The following SARDH variants were observed in gnomAD, a reference collection of about 807,000 sequenced individuals.
SARDH encodes the protein sarcosine dehydrogenase, also known as sarcosine dehydrogenase, mitochondrial.
Under a neutral mutation model 109.1 loss-of-function variants are expected in SARDH, and 95 were observed. That is an observed-to-expected ratio of 0.87 (90% CI 0.74 to 1.03). The LOEUF is 1.03. SARDH is among the 50% of genes least tolerant of loss of function. SARDH has a pLI of 0.00. For synonymous variants in SARDH, 572 were observed against 534.8 expected (o/e 1.07, Z -0.96); for missense variants, 1,267 against 1,287.8 (o/e 0.98, Z 0.25).
At chr9:133,697,577 A>T (rs1831329495) in intron 13 of SARDH, among the ~76,000 whole-genome samples, 1 of 152,262 alleles carries the variant, frequency 6.6e-6, no homozygotes, top group Non-Finnish European at 1.5e-5. Flanking sequence ...ACACACCATG[A>T]TCAATGGGAT....
At chr9:133,734,552 T>C (rs1432425417) in intron 1 of SARDH, among the ~76,000 whole-genome samples, 3 of 152,136 alleles carry the variant, frequency 2.0e-5, no homozygotes, top group Non-Finnish European at 4.4e-5. Context: ...TTGGTGAGGA[T>C]AGGTCTCTGC....
In SARDH at chr9:133,730,065, T is replaced by C; in HGVS notation, c.813A>G (p.Ala271=). The change falls in exon 5 of 21, where the codon GCA becomes GCG. Residue 271 remains alanine, a splice_region_variant and synonymous_variant. Transcript: ENST00000439388. The part of the protein sequence containing the change: ...SIQTPCVVNC[A]GVWASAVGRM... Reference sequence around the variant, plus strand: ...AGTCAGGAGAAATGCCACTCGCACCTGCACAGTTGACCACGCAGGGTGTCT... The same window carrying C: ...AGTCAGGAGAAATGCCACTCGCACCCGCACAGTTGACCACGCAGGGTGTCT... 1.9e-6 allele frequency: 3 copies of C among 1,614,122 alleles called. No individual in the cohort carries two copies. Among genetic ancestry groups the C allele is most frequent in the Non-Finnish European group, 2.5e-6 (3 of 1,180,002 alleles).
In SARDH at chr9:133,701,549, C is replaced by T. The variant is rs541402883; in HGVS notation, c.1668+1367G>A. On this transcript the variant is annotated intron_variant, in intron 13 of 20. Coordinates refer to ENST00000439388, the MANE Select transcript of SARDH (RefSeq NM_001134707.2). ...CGGCTTCAGGCGCGTTTGCGGAGGC[C>T]GGATGAAGCCACAAAGCCAAGTTGG... Among the ~76,000 whole-genome samples, 10 of 152,352 alleles carry T rather than the reference C, an allele frequency of 6.6e-5. No individual in the cohort carries two copies. The South Asian group carries it at 1.4e-3, about 22-fold the overall frequency.
chr9:133,662,558 C>A (rs1489711498), downstream of SARDH, among the ~76,000 whole-genome samples: 1 of 152,232 alleles, frequency 6.6e-6, no homozygotes, highest in Non-Finnish European at 1.5e-5. This position sits in a 1 kb window ranked among gnomAD's most constrained non-coding sequence, Gnocchi z 5.1. Flanking sequence ...CCGCAGCCCC[C>A]TCCCCAGACT....
intron 17 of SARDH, among the ~76,000 whole-genome samples, chr9:133,678,144 C>T (rs766179453): frequency 3.9e-5 from 6 of 152,212 alleles, no homozygotes; most frequent in Non-Finnish European, 5.9e-5. Flanking sequence ...TGGCAAGTGT[C>T]GGTCAGTGGG....
At position 133,712,988 on chromosome 9, in the gene SARDH, A is replaced by G. The variant is rs1448488524; in HGVS notation, c.1237+50T>C. On this transcript the variant is annotated intron_variant, in intron 9 of 20. Coordinates refer to ENST00000439388, the MANE Select transcript of SARDH (RefSeq NM_001134707.2). The surrounding 1 kb of genome is among the most constrained non-coding windows in gnomAD (Gnocchi z 4.1). ...GCCCGCCTCCCCCAGAGCTCTGGGAATGACAGGACCTCCCTCTTGGGGGCC... is the reference window on the plus strand; with the variant it reads ...GCCCGCCTCCCCCAGAGCTCTGGGAGTGACAGGACCTCCCTCTTGGGGGCC... The G allele has an allele frequency of 5.2e-6, 8 of 1,540,256 alleles. No individual in the cohort carries two copies. In the South Asian group the frequency reaches 9.3e-5, roughly 18 times the overall value.
rs1197313492 is a variant in SARDH at position 133,666,411 on chromosome 9, CAG to C, written c.2631+322_2631+323del. Among the ~76,000 whole-genome samples the C allele has an allele frequency of 6.6e-6, 1 of 152,194 alleles. No homozygotes were observed. Among genetic ancestry groups the C allele is most frequent in the Non-Finnish European group, 1.5e-5 (1 of 68,026 alleles). ...AAGTCGGATTCTTCCAGAAAGAAAACAGAGAGCAGCTTTGGCTCTGCCCAGGC... is the reference window on the plus strand; with the variant it reads ...AAGTCGGATTCTTCCAGAAAGAAAACAGAGCAGCTTTGGCTCTGCCCAGGC... On this transcript the variant is annotated intron_variant, in intron 20 of 20. Coordinates refer to ENST00000439388, the MANE Select transcript of SARDH (RefSeq NM_001134707.2). The surrounding 1 kb of genome is among the most constrained non-coding windows in gnomAD (Gnocchi z 5.2).
In SARDH at chr9:133,676,722, GTACT is replaced by G. The variant is rs368401607; in HGVS notation, c.2164-5029_2164-5026del. Among the ~76,000 whole-genome samples the G allele has an allele frequency of 1.6e-3, 250 of 152,328 alleles. 6 individuals carry two copies. Among genetic ancestry groups the G allele is most frequent in the African/African-American group, 5.8e-3 (240 of 41,566 alleles). On this transcript the variant is annotated intron_variant, in intron 17 of 20. Coordinates refer to ENST00000439388, the MANE Select transcript of SARDH (RefSeq NM_001134707.2). ...ACCAGAGAGACCGGGGGGAAAGGCG[GTACT>G]TAAACAGATAACAGCAGAGAATGTT... is the stretch of plus-strand genomic sequence containing the variant.
At chr9:133,690,344 G>C (rs1831045560) in intron 16 of SARDH, 36 bp downstream of exon 16, 6 of 1,591,668 alleles carry the variant, frequency 3.8e-6, no homozygotes, top group Non-Finnish European at 5.1e-6. Flanking sequence ...CCAGGCAGCA[G>C]GTGCACCCAG....
downstream of SARDH, among the ~76,000 whole-genome samples, chr9:133,662,009 T>G (rs1425108168): frequency 6.6e-6 from 1 of 152,156 alleles, no homozygotes; most frequent in African/African-American, 2.4e-5. The surrounding 1 kb of genome is among the most constrained non-coding windows in gnomAD (Gnocchi z 5.1). Context: ...CCAGGACCTC[T>G]GGCAGCGCAG....
At chr9:133,665,992 A>G (rs1382290016) in intron 20 of SARDH, among the ~76,000 whole-genome samples, 3 of 152,172 alleles carry the variant, frequency 2.0e-5, no homozygotes, top group African/African-American at 7.2e-5. Flanking sequence ...AAAGATGGGA[A>G]AAGGAGGTGG....
At chr9:133,659,693 C>G (rs184189880), downstream of SARDH, among the ~76,000 whole-genome samples, 7 of 152,210 alleles carry the variant, frequency 4.6e-5, no homozygotes, top group Non-Finnish European at 8.8e-5. Context: ...AGGGAAGTCA[C>G]GAGCCCAGGA....
At chr9:133,720,110 A>AAAATAAAT (rs1035920614) in intron 6 of SARDH, among the ~76,000 whole-genome samples, 2 of 149,778 alleles carry the variant, frequency 1.3e-5, no homozygotes, top group African/African-American at 5.0e-5. Context: ...ACTCCGTCTC[A>AAAATAAAT]AAATAAATAA....
At chr9:133,726,394 A>ATAATAGTAG (rs59172198) in intron 6 of SARDH, among the ~76,000 whole-genome samples, 79 of 132,348 alleles carry the variant, frequency 6.0e-4, no homozygotes, top group African/African-American at 2.2e-3. Context: ...AATAATAATA[A>ATAATAGTAG]TAGTAGTAGT....
intron 17 of SARDH, among the ~76,000 whole-genome samples, chr9:133,676,326 C>G (rs1830510146): frequency 6.6e-6 from 1 of 152,098 alleles, no homozygotes; most frequent in Admixed American, 6.6e-5. Context: ...TCATAGACAT[C>G]AAGAGCAGAA....
chr9:133,694,428 G>T, intron 14 of SARDH, 57 bp from the exon 15 acceptor site: 1 of 1,413,960 alleles, frequency 7.1e-7, no homozygotes, highest in Non-Finnish European at 9.8e-7. Flanking sequence ...GGTCTGTGCT[G>T]CCTCAGTTTC....
chr9:133,694,477 G>C, intron 14 of SARDH, 106 bp from the exon 15 acceptor site: 1 of 929,900 alleles, frequency 1.1e-6, no homozygotes, highest in Non-Finnish European at 1.7e-6. Context: ...TGTCACGGAG[G>C]CTGGATAACC....
intron 8 of SARDH, among the ~76,000 whole-genome samples, chr9:133,714,130 A>G (rs376266883): frequency 7.2e-4 from 109 of 152,336 alleles, no homozygotes; most frequent in African/African-American, 2.3e-3. Context: ...ACCCCAGGGC[A>G]CTTCGTTCGT....
chr9:133,696,369 G>C lies in SARDH; in HGVS notation c.1669-8C>G. The C allele has an allele frequency of 6.2e-7, 1 of 1,613,996 alleles. No homozygotes were observed. The highest frequency in any genetic ancestry group is 2.2e-5 in the East Asian group (1 of 44,886). On this transcript the variant is annotated splice_polypyrimidine_tract_variant and splice_region_variant and intron_variant, in intron 13 of 20. Coordinates refer to ENST00000439388, the MANE Select transcript of SARDH (RefSeq NM_001134707.2). The stretch of plus-strand genomic sequence containing the variant: ...CAGGCACTCCTTCTTGATCTGAAAA[G>C]TTCCAGACAGGTGGGAATGCCACGG...
Sources: allele counts gnomAD v4.1 joint callset (sites outside exome capture counted in the v4.1 genomes callset), GRCh38; gene constraint gnomAD v4.1.1; non-coding constraint Gnocchi (gnomAD v3.1); transcripts MANE v1.5; gene names NCBI Gene and HGNC (gene_info 2026-07-23, HGNC 2026-07-21).